MAMDC2: variants seen among roughly 807,000 people sequenced by gnomAD.
The protein encoded by MAMDC2 is MAM domain containing 2, also known as MAM domain-containing protein 2.
Under a neutral mutation model 89.8 loss-of-function variants are expected in MAMDC2, and 57 were observed. The observed-to-expected ratio is 0.63, with a 90% CI of 0.51 to 0.79. MAMDC2 has a LOEUF of 0.79. MAMDC2 is among the 30% of genes least tolerant of loss of function. The pLI, the probability that MAMDC2 is intolerant of heterozygous loss-of-function variation, is 0.00. For synonymous variants in MAMDC2, 313 were observed against 293.4 expected (o/e 1.07, Z -0.68); for missense variants, 800 against 820.6 (o/e 0.97, Z 0.31).
At chr9:70,195,178 G>A (rs2032954206) in intron 11 of MAMDC2, among the ~76,000 whole-genome samples, 1 of 152,076 alleles carries the variant, frequency 6.6e-6, no homozygotes, top group South Asian at 2.1e-4. Context: ...ACTTTTGTAT[G>A]ACTAAAGTTT....
chr9:70,064,378 T>C (rs191453221), intron 2 of MAMDC2, among the ~76,000 whole-genome samples: 5 of 152,282 alleles, frequency 3.3e-5, no homozygotes, highest in Non-Finnish European at 7.4e-5. Context: ...CCTTATAGCT[T>C]AGCTCCCCCA....
chr9:70,113,149 TAG>T lies in MAMDC2; in HGVS notation c.643+20_643+21del. 6.2e-7 allele frequency: 1 copy of T among 1,613,308 alleles called. No individual in the cohort carries two copies. The highest frequency in any genetic ancestry group is 8.5e-7 in the Non-Finnish European group (1 of 1,179,756). On this transcript the variant is annotated intron_variant, in intron 5 of 13. Coordinates refer to ENST00000377182, the MANE Select transcript of MAMDC2 (RefSeq NM_153267.5). ...GTGAACTGGGTGAGCTGGGATCAAA[TAG>T]AGTCCTTTTCCCAGGATAAATTTTT... is the stretch of plus-strand genomic sequence containing the variant.
chr9:70,161,268 C>T (rs2031959549), intron 9 of MAMDC2, among the ~76,000 whole-genome samples: 1 of 152,206 alleles, frequency 6.6e-6, no homozygotes, highest in South Asian at 2.1e-4. Flanking sequence ...TGTATTCTAT[C>T]ACAGTGTGGT....
chr9:70,178,927 C>T (rs1187464393), intron 11 of MAMDC2, among the ~76,000 whole-genome samples: 1 of 152,134 alleles, frequency 6.6e-6, no homozygotes, highest in African/African-American at 2.4e-5. Flanking sequence ...TGGCAGCTTT[C>T]GAAGAACTGT....
rs75205694 is a variant in MAMDC2 at position 70,186,994 on chromosome 9, T to C, written c.1651+16363T>C. On this transcript the variant is annotated intron_variant, in intron 11 of 13. Transcript: ENST00000377182. ...CTCCCACTAGGTCACACCTCCAACATTGGGGATCACATTTCAACATGAGAT... is the reference window on the plus strand; with the variant it reads ...CTCCCACTAGGTCACACCTCCAACACTGGGGATCACATTTCAACATGAGAT... Among the ~76,000 whole-genome samples, 1,491 of 152,196 alleles carry C rather than the reference T, an allele frequency of 9.8e-3. 8 individuals carry two copies. Among genetic ancestry groups the C allele is most frequent in the Non-Finnish European group, 0.016 (1,100 of 68,018 alleles).
chr9:70,226,590 G>T lies in MAMDC2; in HGVS notation c.*558G>T, dbSNP rs1172671571. ...AATTTTTAATATTTTCACCATATGT[G>T]ATAACAAAGGATCTTTCATGAATGT... On this transcript the variant is annotated 3_prime_UTR_variant, in exon 14 of 14. Coordinates refer to ENST00000377182, the MANE Select transcript of MAMDC2 (RefSeq NM_153267.5). The T allele has an allele frequency of 6.6e-6, 1 of 152,414 alleles. No homozygotes were observed. Among genetic ancestry groups the T allele is most frequent in the Non-Finnish European group, 1.5e-5 (1 of 67,960 alleles). The allele number at this position is 152,414 out of a possible 1,614,324, so 9.4% of individuals were successfully genotyped here. A position where few individuals can be genotyped will look rare whatever the true frequency, so the allele number is the denominator to read the frequency against.
intron 11 of MAMDC2, among the ~76,000 whole-genome samples, chr9:70,175,004 G>T (rs1264949629): frequency 6.6e-6 from 1 of 152,132 alleles, no homozygotes; most frequent in Admixed American, 6.5e-5. Flanking sequence ...GGGATTATAG[G>T]CATGAGCCAC....
chr9:70,214,106 T>C (rs1000016584), intron 11 of MAMDC2, among the ~76,000 whole-genome samples: 27 of 152,176 alleles, frequency 1.8e-4, no homozygotes, highest in African/African-American at 5.6e-4. Flanking sequence ...TCTCTGTCCT[T>C]GTGAATTCTA....
intron 11 of MAMDC2, among the ~76,000 whole-genome samples, chr9:70,187,618 C>T (rs11794396): frequency 0.13 from 20,409 of 152,028 alleles, 1,661 homozygotes; most frequent in African/African-American, 0.23. Context: ...CATTCCCTTT[C>T]CCTATCTCTT....
chr9:70,155,673 G>C (rs1299712819), intron 9 of MAMDC2, among the ~76,000 whole-genome samples: 2 of 152,038 alleles, frequency 1.3e-5, no homozygotes, highest in African/African-American at 4.8e-5. Context: ...CAAACTTCTG[G>C]AAAGATGTAT....
intron 9 of MAMDC2, among the ~76,000 whole-genome samples, chr9:70,150,726 T>A (rs879727432): frequency 6.6e-6 from 1 of 152,164 alleles, no homozygotes; most frequent in Non-Finnish European, 1.5e-5. Context: ...ATCTCAAACA[T>A]GTCTACTTCT....
intron 5 of MAMDC2, among the ~76,000 whole-genome samples, chr9:70,124,910 T>C (rs903103982): frequency 6.6e-6 from 1 of 152,104 alleles, no homozygotes. Context: ...GGGGTCTCAC[T>C]ATGTTGCCCA....
chr9:70,117,230 A>G (rs1563961910), intron 5 of MAMDC2, among the ~76,000 whole-genome samples: 1 of 152,202 alleles, frequency 6.6e-6, no homozygotes, highest in Non-Finnish European at 1.5e-5. Context: ...CCCTGGTGAC[A>G]TAAAAAAAGT....
chr9:70,049,905 T>G (rs1292131505), intron 2 of MAMDC2, among the ~76,000 whole-genome samples: 1 of 152,122 alleles, frequency 6.6e-6, no homozygotes, highest in African/African-American at 2.4e-5. Context: ...GGTCATCCAG[T>G]GCTGCCTCCT....
At chr9:70,202,135 A>C (rs1185211392) in intron 11 of MAMDC2, among the ~76,000 whole-genome samples, 1 of 151,616 alleles carries the variant, frequency 6.6e-6, no homozygotes. Flanking sequence ...GGTTCTTTTA[A>C]TTGTGATGTT....
intron 2 of MAMDC2, chr9:70,092,321 G>A (rs1827920679): frequency 1.3e-5 from 2 of 152,214 alleles, no homozygotes; most frequent in South Asian, 4.1e-4. Context: ...CCAAGGTTGA[G>A]AACAGCTGGA....
chr9:70,139,162 G>C (rs890123908), intron 7 of MAMDC2, among the ~76,000 whole-genome samples: 2 of 149,626 alleles, frequency 1.3e-5, no homozygotes, highest in Admixed American at 6.7e-5. Flanking sequence ...GGGTACATGT[G>C]CACAATGTGC....
chr9:70,055,899 A>C (rs1056257023), intron 2 of MAMDC2, among the ~76,000 whole-genome samples: 1 of 152,180 alleles, frequency 6.6e-6, no homozygotes, highest in Admixed American at 6.5e-5. Flanking sequence ...GTACACAAAT[A>C]AATGTGCTTT....
intron 2 of MAMDC2, chr9:70,092,422 T>A (rs1827922766): frequency 6.6e-6 from 1 of 152,200 alleles, no homozygotes. Flanking sequence ...TGTGGTTACT[T>A]ACATAGACAT....
Sources: allele counts gnomAD v4.1 joint callset (sites outside exome capture counted in the v4.1 genomes callset), GRCh38; gene constraint gnomAD v4.1.1; transcripts MANE v1.5; gene names NCBI Gene and HGNC (gene_info 2026-07-23, HGNC 2026-07-21).